Variants in SH3RF3 observed in about 807,000 individuals in gnomAD.
The protein encoded by SH3RF3 is SH3 domain containing ring finger 3, also known as E3 ubiquitin-protein ligase SH3RF3.
Under a neutral mutation model 66.3 loss-of-function variants are expected in SH3RF3, and 29 were observed. The observed-to-expected ratio is 0.44, with a 90% CI of 0.33 to 0.60. The LOEUF (loss-of-function observed/expected upper bound fraction) is 0.60, where lower values mean the gene tolerates loss of function less well. SH3RF3 is among the 20% of genes least tolerant of loss of function. The pLI, the probability that SH3RF3 is intolerant of heterozygous loss-of-function variation, is 0.04. For missense variants in SH3RF3, 1,194 were observed against 1,190.9 expected (o/e 1.00, Z -0.04); for synonymous variants, 583 against 532.0 (o/e 1.10, Z -1.32).
chr2:109,322,998 C>A (rs181170736), intron 1 of SH3RF3, among the ~76,000 whole-genome samples: 26 of 152,292 alleles, frequency 1.7e-4, no homozygotes, highest in Admixed American at 5.9e-4. Flanking sequence ...GGCTGCTGAG[C>A]TGTGTTGCAG....
intron 1 of SH3RF3, among the ~76,000 whole-genome samples, chr2:109,202,108 G>A (rs1678689597): frequency 6.6e-6 from 1 of 152,186 alleles, no homozygotes; most frequent in Non-Finnish European, 1.5e-5. Flanking sequence ...GGCGATCTCG[G>A]CCACTTTCTC....
chr2:109,265,704 G>A (rs1370747555), intron 1 of SH3RF3, among the ~76,000 whole-genome samples: 3 of 152,238 alleles, frequency 2.0e-5, no homozygotes, highest in Non-Finnish European at 2.9e-5. Flanking sequence ...TCTGATTATA[G>A]TCAGAAACTC....
In SH3RF3 at chr2:109,215,616, C is replaced by T. The variant is rs1032448975; in HGVS notation, c.573+85503C>T. On this transcript the variant is annotated intron_variant, in intron 1 of 9. Coordinates refer to ENST00000309415, the MANE Select transcript of SH3RF3 (RefSeq NM_001099289.3). ...TGCCTCTCTGGGTAGAGTTCTTCCT[C>T]GGTGACTCTGGATGCCAGGAAGGGT... Among the ~76,000 whole-genome samples the T allele has an allele frequency of 3.3e-5, 5 of 152,192 alleles. 1 individual carries two copies. Among genetic ancestry groups the T allele is most frequent in the South Asian group, 4.2e-4 (2 of 4,814 alleles).
intron 9 of SH3RF3, among the ~76,000 whole-genome samples, chr2:109,495,933 T>C (rs1292360201): frequency 6.6e-6 from 1 of 152,166 alleles, no homozygotes; most frequent in Non-Finnish European, 1.5e-5. Flanking sequence ...TAATAATATA[T>C]GCTATTGTGT....
intron 4 of SH3RF3, among the ~76,000 whole-genome samples, chr2:109,415,375 G>A (rs996566598): frequency 2.6e-5 from 4 of 152,210 alleles, no homozygotes; most frequent in South Asian, 4.1e-4. Context: ...GCAGGCTTGC[G>A]AAGGTTGAAA....
chr2:109,450,750 G>A (rs932134000), intron 8 of SH3RF3, among the ~76,000 whole-genome samples: 6 of 152,214 alleles, frequency 3.9e-5, no homozygotes, highest in Non-Finnish European at 7.3e-5. Context: ...GCCTGAGGCT[G>A]TATCCCTAGG....
At chr2:109,443,504 C>T (rs1212771626) in intron 7 of SH3RF3, among the ~76,000 whole-genome samples, 1 of 152,164 alleles carries the variant, frequency 6.6e-6, no homozygotes, top group Non-Finnish European at 1.5e-5. Flanking sequence ...TTGGGGGTTA[C>T]AAATCGTTTT....
intron 2 of SH3RF3, among the ~76,000 whole-genome samples, chr2:109,356,751 C>T (rs1019680876): frequency 1.3e-5 from 2 of 152,202 alleles, no homozygotes; most frequent in Non-Finnish European, 2.9e-5. Flanking sequence ...AGGGAGCCTG[C>T]CCACATTGCA....
At chr2:109,231,190 C>T (rs918700316) in intron 1 of SH3RF3, among the ~76,000 whole-genome samples, 5 of 152,338 alleles carry the variant, frequency 3.3e-5, no homozygotes, top group African/African-American at 9.6e-5. Context: ...GCCGAAGTCT[C>T]GGATGAACTG....
At chr2:109,326,595 A>G (rs1436082574) in intron 1 of SH3RF3, among the ~76,000 whole-genome samples, 3 of 152,212 alleles carry the variant, frequency 2.0e-5, no homozygotes, top group Non-Finnish European at 2.9e-5. Flanking sequence ...TGGATTACCA[A>G]TGCTGTTGAG....
At chr2:109,465,515 G>T (rs1678317258) in intron 8 of SH3RF3, among the ~76,000 whole-genome samples, 1 of 152,132 alleles carries the variant, frequency 6.6e-6, no homozygotes, top group South Asian at 2.1e-4. Flanking sequence ...TTTGGATTTT[G>T]CCATCCTAAT....
intron 8 of SH3RF3, among the ~76,000 whole-genome samples, chr2:109,483,350 A>G (rs766259958): frequency 1.3e-5 from 2 of 152,148 alleles, no homozygotes; most frequent in African/African-American, 4.8e-5. Flanking sequence ...TGCCTCTCAC[A>G]TGTCCCAGGC....
At chr2:109,216,962 A>G (rs989511508) in intron 1 of SH3RF3, among the ~76,000 whole-genome samples, 1 of 152,114 alleles carries the variant, frequency 6.6e-6, no homozygotes, top group African/African-American at 2.4e-5. Flanking sequence ...TCCACCCTCC[A>G]GGCCCTGGCA....
intron 1 of SH3RF3, among the ~76,000 whole-genome samples, chr2:109,312,966 G>A (rs947863423): frequency 2.6e-5 from 4 of 152,124 alleles, no homozygotes; most frequent in African/African-American, 9.7e-5. Flanking sequence ...AGCAGCCCTT[G>A]GATTTCACTT....
chr2:109,412,480 C>T (rs1037156558), intron 4 of SH3RF3, among the ~76,000 whole-genome samples: 1 of 152,244 alleles, frequency 6.6e-6, no homozygotes. Flanking sequence ...ACAGCAGGAC[C>T]AGTGCGTGCC....
At chr2:109,268,524 C>T (rs1680553242) in intron 1 of SH3RF3, among the ~76,000 whole-genome samples, 1 of 152,200 alleles carries the variant, frequency 6.6e-6, no homozygotes, top group African/African-American at 2.4e-5. Context: ...AGGAGCCTGG[C>T]CCCATTGCCC....
intron 1 of SH3RF3, among the ~76,000 whole-genome samples, chr2:109,332,635 G>A (rs1431878599): frequency 6.6e-6 from 1 of 152,166 alleles, no homozygotes; most frequent in East Asian, 1.9e-4. Flanking sequence ...CTGCCCCGTG[G>A]GTGGAACATC....
At chr2:109,486,447 A>G (rs773969507) in intron 8 of SH3RF3, among the ~76,000 whole-genome samples, 1 of 152,220 alleles carries the variant, frequency 6.6e-6, no homozygotes, top group Non-Finnish European at 1.5e-5. Context: ...ACAAAAATAT[A>G]TTGGGAACTA....
chr2:109,443,190 T>G (rs1261989579), intron 7 of SH3RF3, among the ~76,000 whole-genome samples: 1 of 152,268 alleles, frequency 6.6e-6, no homozygotes, highest in African/African-American at 2.4e-5. Context: ...TCTAGTAGAT[T>G]CTATTTTATT....
Sources: allele counts gnomAD v4.1 joint callset (sites outside exome capture counted in the v4.1 genomes callset), GRCh38; gene constraint gnomAD v4.1.1; transcripts MANE v1.5; gene names NCBI Gene and HGNC (gene_info 2026-07-23, HGNC 2026-07-21).